SAMM50: variants seen among roughly 807,000 people sequenced by gnomAD.
The protein encoded by SAMM50 is sorting and assembly machinery component 50 homolog.
In SAMM50, 47 loss-of-function variants were observed where a neutral mutation model predicts 66.9. That is an observed-to-expected ratio of 0.70 (90% CI 0.56 to 0.90). The LOEUF (loss-of-function observed/expected upper bound fraction) is 0.90. Among genes scored for constraint, SAMM50 ranks in the 40% least tolerant of loss-of-function variants. The pLI is 0.00. For synonymous variants in SAMM50, 191 were observed against 214.1 expected, an observed-to-expected ratio of 0.89 and a Z score of 0.94; for missense variants, 535 against 595.3, an observed-to-expected ratio of 0.90 and a Z score of 1.05.
intron 1 of SAMM50, among the ~76,000 whole-genome samples, chr22:43,959,856 G>A (rs1231661024): frequency 1.3e-5 from 2 of 152,088 alleles, no homozygotes; most frequent in Non-Finnish European, 2.9e-5. Context: ...TTTGATTAAA[G>A]TATATTTACA....
chr22:43,957,110 TA>T, intron 1 of SAMM50: 1 of 910,328 alleles, frequency 1.1e-6, no homozygotes, highest in Non-Finnish European at 1.8e-6. Flanking sequence ...CAGCTCTTCT[TA>T]AAATTGAAGG....
chr22:43,977,611 TCAGA>T (rs752661878), intron 9 of SAMM50, among the ~76,000 whole-genome samples: 1 of 152,164 alleles, frequency 6.6e-6, no homozygotes, highest in Non-Finnish European at 1.5e-5. Context: ...AGCTCTGTGT[TCAGA>T]CACTCAGGCT....
chr22:43,990,558 C>T, intron 14 of SAMM50, 152 bp downstream of exon 14: 1 of 873,552 alleles, frequency 1.1e-6, no homozygotes, highest in Middle Eastern at 2.3e-4. Context: ...ATGTATTTTC[C>T]TCCTTTGCGT....
At chr22:43,995,043 C>G (rs1203235213) in intron 14 of SAMM50, among the ~76,000 whole-genome samples, 1 of 152,164 alleles carries the variant, frequency 6.6e-6, no homozygotes. Flanking sequence ...AATCTAAAAA[C>G]AGATCTGAAC....
chr22:43,961,849 C>G (rs2050148502), intron 1 of SAMM50, among the ~76,000 whole-genome samples: 1 of 152,158 alleles, frequency 6.6e-6, no homozygotes. Flanking sequence ...TCTCAGAGTG[C>G]TGGGATTACA....
At chr22:43,971,506 T>C (rs1320849019) in intron 4 of SAMM50, among the ~76,000 whole-genome samples, 1 of 152,194 alleles carries the variant, frequency 6.6e-6, no homozygotes, top group African/African-American at 2.4e-5. Flanking sequence ...CTCACACTTA[T>C]CTTCGAGGGT....
chr22:43,955,561 C>G lies in SAMM50; in HGVS notation c.-17C>G. ...CCGCCCGGGCAGCTCTGCGAGGCAG[C>G]GGCTGGAGAGGGAACCATGGGGACT... is the stretch of plus-strand genomic sequence containing the variant. On this transcript the variant is annotated 5_prime_UTR_variant, in exon 1 of 15. Transcript: ENST00000350028. The G allele has an allele frequency of 6.3e-7, 1 of 1,599,526 alleles. No homozygotes were observed. The highest frequency in any genetic ancestry group is 8.5e-7 in the Non-Finnish European group (1 of 1,174,016).
chr22:43,955,720 C>A, intron 1 of SAMM50, 122 bp downstream of exon 1: 1 of 1,130,600 alleles, frequency 8.8e-7, no homozygotes, highest in Non-Finnish European at 1.2e-6. Context: ...GCCAAGGGTG[C>A]CGGGCTGGGT....
intron 1 of SAMM50, chr22:43,963,043 GTTAA>G: frequency 3.6e-6 from 1 of 275,666 alleles, no homozygotes; most frequent in Non-Finnish European, 6.9e-6. Flanking sequence ...GCCCTTCCCT[GTTAA>G]TTAGTTTTTA....
intron 3 of SAMM50, among the ~76,000 whole-genome samples, chr22:43,966,032 G>A (rs956906674): frequency 1.3e-5 from 2 of 152,068 alleles, no homozygotes; most frequent in Non-Finnish European, 2.9e-5. Flanking sequence ...GTAGAGACGG[G>A]GTTTTGCCAT....
At chr22:43,967,654 C>T (rs1254007952) in intron 3 of SAMM50, among the ~76,000 whole-genome samples, 9 of 152,176 alleles carry the variant, frequency 5.9e-5, no homozygotes, top group Admixed American at 2.0e-4. Flanking sequence ...GGCAGAATAC[C>T]GCATTCGTCT....
chr22:43,964,576 G>T (rs2050163595), intron 3 of SAMM50, 23 bp downstream of exon 3: 1 of 1,279,794 alleles, frequency 7.8e-7, no homozygotes, highest in African/African-American at 1.5e-5. Context: ...TCTACATGGT[G>T]TGCTTTCCCA....
At position 43,973,683 on chromosome 22, in the gene SAMM50, T is replaced by C. The variant is rs2050216054; in HGVS notation, c.648+360T>C. On this transcript the variant is annotated intron_variant, in intron 7 of 14. Coordinates refer to ENST00000350028, the MANE Select transcript of SAMM50 (RefSeq NM_015380.5). ...AGAGGTTTGCTCTTGTCGCCCAGGC[T>C]GGAGTACAATGGCACGATCTCGGCT... Among the ~76,000 whole-genome samples the C allele has an allele frequency of 2.0e-5, 3 of 152,200 alleles. No homozygotes were observed. The South Asian group carries it at 6.2e-4, about 31-fold the overall frequency.
intron 1 of SAMM50, chr22:43,963,033 G>A (rs1194927646): frequency 2.0e-5 from 5 of 245,702 alleles, no homozygotes; most frequent in Non-Finnish European, 3.9e-5. Flanking sequence ...CACTCCCCCT[G>A]CCCTTCCCTG....
chr22:43,996,436 T>C lies in SAMM50; in HGVS notation c.*53T>C. ...GACTGGGGCAGCAGCAAGGCGCCCATGCCACACACCGTCTCTCGAGGAAAC... is the reference window on the plus strand; with the variant it reads ...GACTGGGGCAGCAGCAAGGCGCCCACGCCACACACCGTCTCTCGAGGAAAC... On this transcript the variant is annotated 3_prime_UTR_variant, in exon 15 of 15. Coordinates refer to ENST00000350028, the MANE Select transcript of SAMM50 (RefSeq NM_015380.5). The C allele has an allele frequency of 6.6e-7, 1 of 1,526,210 alleles. No individual in the cohort carries two copies. The highest frequency in any genetic ancestry group is 9.1e-7 in the Non-Finnish European group (1 of 1,099,786). 94.5% of individuals were successfully genotyped at this position (1,526,210 alleles called of 1,614,324 possible). A position where few individuals can be genotyped will look rare whatever the true frequency, so the allele number is the denominator to read the frequency against.
intron 14 of SAMM50, among the ~76,000 whole-genome samples, chr22:43,995,885 G>A (rs1370337247): frequency 7.9e-5 from 12 of 152,186 alleles, no homozygotes; most frequent in Non-Finnish European, 2.9e-5. Context: ...AACCCCTGTA[G>A]GGCTGTGGGT....
chr22:43,972,488 A>G lies in SAMM50; in HGVS notation c.429+146A>G, dbSNP rs1041219438. 19 of 545,606 alleles carry G rather than the reference A, an allele frequency of 3.5e-5. No individual in the cohort carries two copies. In the East Asian group the frequency reaches 3.8e-4, roughly 11 times the overall value. 33.8% of individuals were successfully genotyped at this position (545,606 alleles called of 1,614,324 possible). A position where few individuals can be genotyped will look rare whatever the true frequency, so the allele number is the denominator to read the frequency against. ...TGTTGTTATTTGTGGTTTCTCTTTA[A>G]TCACCGTAGAATTGGTGATAATATG... On this transcript the variant is annotated intron_variant, in intron 5 of 14. Transcript: ENST00000350028.
chr22:43,976,319 C>A, intron 8 of SAMM50, 136 bp downstream of exon 8: 1 of 979,766 alleles, frequency 1.0e-6, no homozygotes, highest in Non-Finnish European at 1.5e-6. Context: ...GCGGCCCCCA[C>A]TCCCCGAGGG....
intron 3 of SAMM50, among the ~76,000 whole-genome samples, chr22:43,967,948 G>A (rs112337609): frequency 0.025 from 3,744 of 152,268 alleles, 64 homozygotes; most frequent in Middle Eastern, 0.051. Context: ...AAGGCCGGGC[G>A]TGGTGGCTCA....
Sources: gnomAD v4.1 joint callset for allele counts (sites outside exome capture counted in the v4.1 genomes callset) on GRCh38, gnomAD v4.1.1 for gene constraint, MANE v1.5 for transcripts, NCBI Gene and HGNC (gene_info 2026-07-23, HGNC 2026-07-21) for gene names.